Variants in BCAR3 observed in about 807,000 individuals in gnomAD.
The protein encoded by BCAR3 is BCAR3 adaptor protein, NSP family member, also known as breast cancer anti-estrogen resistance protein 3.
BCAR3 carries 37 observed loss-of-function variants against 80.1 expected under a neutral mutation model. That is an observed-to-expected ratio of 0.46 (90% CI 0.36 to 0.61). The LOEUF (loss-of-function observed/expected upper bound fraction) is 0.61, where lower values mean the gene tolerates loss of function less well. BCAR3 is among the 20% of genes least tolerant of loss of function. The pLI, the probability that BCAR3 is intolerant of heterozygous loss-of-function variation, is 0.00. For missense variants in BCAR3, 978 were observed against 1,068.2 expected (o/e 0.92, Z 1.18); for synonymous variants, 389 against 418.9 (o/e 0.93, Z 0.87).
At chr1:93,626,754 AGTACAT>A (rs1209058135) in intron 3 of BCAR3, among the ~76,000 whole-genome samples, 5 of 152,234 alleles carry the variant, frequency 3.3e-5, no homozygotes, top group African/African-American at 7.2e-5. Context: ...TGGGCCCTCG[AGTACAT>A]GTCTCTTTAG....
At chr1:93,695,430 A>G (rs1649353595) in intron 3 of BCAR3, among the ~76,000 whole-genome samples, 1 of 151,862 alleles carries the variant, frequency 6.6e-6, no homozygotes, top group South Asian at 2.1e-4. Context: ...CTGTCTCTTC[A>G]CTGTCTCACT....
chr1:93,838,641 T>C (rs903351048), intron 2 of BCAR3, among the ~76,000 whole-genome samples: 2 of 152,200 alleles, frequency 1.3e-5, no homozygotes, highest in Non-Finnish European at 2.9e-5. Context: ...AGTCTGCTAC[T>C]GAAGATCTGA....
chr1:93,577,364 C>T (rs1673500503), intron 7 of BCAR3, among the ~76,000 whole-genome samples: 1 of 152,138 alleles, frequency 6.6e-6, no homozygotes, highest in Non-Finnish European at 1.5e-5. Flanking sequence ...GTATTACTAA[C>T]CCTACCCTGT....
At chr1:93,706,871 T>C (rs1266606422) in intron 2 of BCAR3, among the ~76,000 whole-genome samples, 1 of 152,202 alleles carries the variant, frequency 6.6e-6, no homozygotes, top group Non-Finnish European at 1.5e-5. Context: ...GTAAACAATA[T>C]ACAGTTTAAT....
At position 93,677,249 on chromosome 1, in the gene BCAR3, G is replaced by A. The variant is rs1648529313; in HGVS notation, c.-11-2308C>T. 3.3e-5 allele frequency among the ~76,000 whole-genome samples: 5 copies of A among 152,296 alleles called. No homozygotes were observed. The South Asian group carries it at 1.0e-3, about 32-fold the overall frequency. On this transcript the variant is annotated intron_variant, in intron 1 of 11. Transcript: ENST00000260502. ...AGCATTTTGAAAAGTTAACATGTGGGGAAAAGCCTCCCGGGAGGATGGCAG... is the reference window on the plus strand; with the variant it reads ...AGCATTTTGAAAAGTTAACATGTGGAGAAAAGCCTCCCGGGAGGATGGCAG...
At position 93,707,442 on chromosome 1, in the gene BCAR3, G is replaced by A. The variant is rs1052642097; in HGVS notation, c.-62-1300C>T. On this transcript the variant is annotated intron_variant, in intron 2 of 13. Coordinates refer to the BCAR3 transcript ENST00000370244. ...TAATAATAATAGGCCGGGCATGGTG[G>A]CTCATGCCTGTAATCCCAGCACTTT... 2.0e-5 allele frequency among the ~76,000 whole-genome samples: 3 copies of A among 152,164 alleles called. No individual in the cohort carries two copies. The East Asian group carries it at 5.8e-4, about 29-fold the overall frequency.
Position 93,570,523 on chromosome 1 carries a change from A to G in BCAR3, c.1974+1147T>C, listed in dbSNP as rs141223448. 2.1e-4 allele frequency among the ~76,000 whole-genome samples: 32 copies of G among 152,328 alleles called. 1 individual carries two copies. In the East Asian group the frequency reaches 6.0e-3, roughly 28 times the overall value. On this transcript the variant is annotated intron_variant, in intron 9 of 11. Coordinates refer to ENST00000260502, the MANE Select transcript of BCAR3 (RefSeq NM_003567.4). ...TGCTTGACTTCAGATACAGATATTCAGGTTTGACACTCATCCTAAAAAATC... is the reference window on the plus strand; with the variant it reads ...TGCTTGACTTCAGATACAGATATTCGGGTTTGACACTCATCCTAAAAAATC...
chr1:93,573,257 C>T (rs1673292304), intron 8 of BCAR3, among the ~76,000 whole-genome samples: 1 of 152,024 alleles, frequency 6.6e-6, no homozygotes, highest in Non-Finnish European at 1.5e-5. Context: ...ATGAGCCAGG[C>T]ATGGTGGCAC....
At chr1:93,703,566 T>TA (rs1439567076) in intron 3 of BCAR3, among the ~76,000 whole-genome samples, 1,814 of 45,504 alleles carry the variant, frequency 0.04, 47 homozygotes, top group African/African-American at 0.06. Flanking sequence ...CCCTGTCTCT[T>TA]AAAAAGAAAA....
At chr1:93,627,544 A>G (rs1277343355) in intron 3 of BCAR3, among the ~76,000 whole-genome samples, 3 of 152,236 alleles carry the variant, frequency 2.0e-5, no homozygotes, top group African/African-American at 7.2e-5. Flanking sequence ...ACCGAAGCAA[A>G]TATAAGAATC....
At chr1:93,721,241 C>T (rs1650391331) in intron 2 of BCAR3, among the ~76,000 whole-genome samples, 1 of 152,174 alleles carries the variant, frequency 6.6e-6, no homozygotes, top group African/African-American at 2.4e-5. Flanking sequence ...GCCCTGCAGA[C>T]TGGAGCCCAG....
rs779348233 is a variant in BCAR3 at position 93,571,823 on chromosome 1, G to A, written c.1821C>T (p.Ile607=). 1.1e-5 allele frequency: 18 copies of A among 1,613,672 alleles called. No individual in the cohort carries two copies. Among genetic ancestry groups the A allele is most frequent in the Admixed American group, 8.3e-5 (5 of 60,000 alleles). ...DIIERHNTMA[I]GIAVDILGCT... ...ATCCCAGAATGTCCACTGCAATGCCGATGGCCATTGTGTTGTGTCTGAAAG... is the reference window on the plus strand; with the variant it reads ...ATCCCAGAATGTCCACTGCAATGCCAATGGCCATTGTGTTGTGTCTGAAAG... The change falls in exon 9 of 12, where the codon ATC becomes ATT. Residue 607 remains isoleucine (I), a synonymous_variant. Transcript: ENST00000260502.
chr1:93,678,872 C>A (rs187893455), intron 1 of BCAR3, among the ~76,000 whole-genome samples: 1 of 152,140 alleles, frequency 6.6e-6, no homozygotes, highest in Non-Finnish European at 1.5e-5. Flanking sequence ...TAGGAACAAG[C>A]GGTTGGAATG....
At chr1:93,584,501 G>A (rs189272914) in intron 5 of BCAR3, among the ~76,000 whole-genome samples, 17 of 152,352 alleles carry the variant, frequency 1.1e-4, no homozygotes, top group Admixed American at 9.8e-4. Context: ...GGCCCAGAGG[G>A]AATGGCTTGC....
In BCAR3 at chr1:93,592,400, CACAG is replaced by C; in HGVS notation, c.358-11_358-8del. 6.3e-7 allele frequency: 1 copy of C among 1,590,964 alleles called. No individual in the cohort carries two copies. The highest frequency in any genetic ancestry group is 8.5e-7 in the Non-Finnish European group (1 of 1,174,374). The stretch of plus-strand genomic sequence containing the variant: ...TGTGCCTCTCCTTGGAGAACTGCAA[CACAG>C]AGTCAACCATGAGCTCACCCTGCCC... On this transcript the variant is annotated splice_polypyrimidine_tract_variant and splice_region_variant and intron_variant, in intron 3 of 11. Transcript: ENST00000260502. This position sits in a 1 kb window ranked among gnomAD's most constrained non-coding sequence, Gnocchi z 4.8.
At chr1:93,571,972 G>T in intron 8 of BCAR3, 131 bp from the exon 9 acceptor site, 3 of 1,100,062 alleles carry the variant, frequency 2.7e-6, no homozygotes, top group Non-Finnish European at 3.8e-6. Flanking sequence ...CGGCAGCACA[G>T]TTTAGACGGC....
upstream of BCAR3, among the ~76,000 whole-genome samples, chr1:93,685,670 G>A (rs1221544421): frequency 6.6e-6 from 1 of 151,962 alleles, no homozygotes; most frequent in African/African-American, 2.4e-5. Flanking sequence ...TGAGTCCAAG[G>A]GTATATGCAT....
intron 3 of BCAR3, among the ~76,000 whole-genome samples, chr1:93,598,667 C>G (rs990748922): frequency 7.2e-5 from 11 of 152,214 alleles, no homozygotes; most frequent in Non-Finnish European, 1.3e-4. Flanking sequence ...GTCCTGCCAT[C>G]TGCTCCCTGT....
chr1:93,659,930 C>T (rs1199678435), intron 2 of BCAR3, among the ~76,000 whole-genome samples: 1 of 152,124 alleles, frequency 6.6e-6, no homozygotes, highest in African/African-American at 2.4e-5. Context: ...ATTCGATATA[C>T]CATGTGTATT....
Sources: allele counts gnomAD v4.1 joint callset (sites outside exome capture counted in the v4.1 genomes callset), GRCh38; gene constraint gnomAD v4.1.1; non-coding constraint Gnocchi (gnomAD v3.1); transcripts MANE v1.5; gene names NCBI Gene and HGNC (gene_info 2026-07-23, HGNC 2026-07-21).